CASK: variants seen among roughly 807,000 people sequenced by gnomAD.
The protein encoded by CASK is calcium/calmodulin dependent serine protein kinase.
Under a neutral mutation model 82.9 loss-of-function variants are expected in CASK, and 4 were observed. The ratio of observed to expected loss-of-function variants is 0.05; its 90% confidence interval spans 0.02 to 0.11. The LOEUF (loss-of-function observed/expected upper bound fraction) is 0.11, where lower values mean the gene tolerates loss of function less well. CASK is among the 10% of genes least tolerant of loss of function. The pLI is 1.00. For synonymous variants in CASK, 259 were observed against 253.5 expected (o/e 1.02, Z -0.20); for missense variants, 358 against 720.9 (o/e 0.50, Z 5.76).
chrX:41,660,350 T>C, intron 8 of CASK, 89 bp downstream of exon 8: 1 of 789,179 alleles, frequency 1.3e-6, no homozygotes, highest in Admixed American at 2.6e-5. Context: ...AAAGAAAAGG[T>C]AAAAAGGACC....
intron 3 of CASK, among the ~76,000 whole-genome samples, chrX:41,753,712 T>G (rs1417813709): frequency 9.1e-6 from 1 of 110,099 alleles, no homozygotes; most frequent in African/African-American, 3.3e-5. Flanking sequence ...ACAGTGAGAC[T>G]CCTTCTCTAC....
rs771998614 is a variant in CASK, at chrX:41,695,820, G to A, written c.430-24290C>T. 3.3e-6 allele frequency: 4 copies of A among 1,203,514 alleles called. No homozygotes were observed. The South Asian group carries it at 5.3e-5, about 16-fold the overall frequency. ...TACTGTGTTAACCACATCCTACTCT[G>A]TTATTTTCATCGTGGGACTGGTTGG... On this transcript the variant is annotated intron_variant, in intron 5 of 26. Coordinates refer to ENST00000378163, the MANE Select transcript of CASK (RefSeq NM_001367721.1).
At position 41,519,750 on chromosome X, in the gene CASK, G is replaced by C. The variant is rs1238295453; in HGVS notation, c.*670C>G. On this transcript the variant is annotated 3_prime_UTR_variant, in exon 27 of 27. Coordinates refer to ENST00000378163, the MANE Select transcript of CASK (RefSeq NM_001367721.1). Reference sequence around the variant, plus strand: ...AGACACACCGACAGCATAAACGCTCGCGACTGTCCACATGCATTAAGAGTC... The same window carrying C: ...AGACACACCGACAGCATAAACGCTCCCGACTGTCCACATGCATTAAGAGTC... 9.2e-6 allele frequency: 1 copy of C among 109,275 alleles called. No homozygotes were observed. The highest frequency in any genetic ancestry group is 1.9e-5 in the Non-Finnish European group (1 of 52,660). The allele number at this position is 109,275 out of a possible 1,213,427, so 9.0% of individuals were successfully genotyped here. A position where few individuals can be genotyped will look rare whatever the true frequency, so the allele number is the denominator to read the frequency against.
At chrX:41,529,455 C>T (rs775576719) in intron 25 of CASK, 41 of 156,302 alleles carry the variant, frequency 2.6e-4, no homozygotes, top group African/African-American at 1.1e-3. Flanking sequence ...AGAAAGCCCT[C>T]GAAAGTGGAC....
At chrX:41,792,537 G>T (rs948396524) in intron 2 of CASK, among the ~76,000 whole-genome samples, 5 of 110,442 alleles carry the variant, frequency 4.5e-5, no homozygotes, top group Non-Finnish European at 7.6e-5. Context: ...CAATCTTCCT[G>T]CCTTGGACTT....
chrX:41,765,072 C>G (rs772774518), intron 3 of CASK, among the ~76,000 whole-genome samples: 3 of 112,126 alleles, frequency 2.7e-5, no homozygotes, highest in African/African-American at 6.5e-5. Context: ...CTAAAGTAAA[C>G]AAATGGCAGA....
intron 15 of CASK, among the ~76,000 whole-genome samples, chrX:41,577,454 T>C (rs1210781078): frequency 9.0e-6 from 1 of 111,321 alleles, no homozygotes; most frequent in African/African-American, 3.3e-5. Context: ...AAAACAAAAA[T>C]CTAATATTAT....
At chrX:41,905,620 CG>C in intron 1 of CASK, among the ~76,000 whole-genome samples, 1 of 113,091 alleles carries the variant, frequency 8.8e-6, no homozygotes, top group East Asian at 2.8e-4. Context: ...ATAAAGCAGA[CG>C]GCAGGATTTG....
At chrX:41,631,718 G>A (rs1248573330) in intron 9 of CASK, among the ~76,000 whole-genome samples, 6 of 110,524 alleles carry the variant, frequency 5.4e-5, no homozygotes, top group South Asian at 7.9e-4. Context: ...TGATCCGCCC[G>A]CCTCAGCCTC....
intron 12 of CASK, among the ~76,000 whole-genome samples, chrX:41,594,059 T>C (rs1049255181): frequency 6.3e-5 from 7 of 111,798 alleles, no homozygotes; most frequent in African/African-American, 2.3e-4. Flanking sequence ...ATAAAGAATA[T>C]ATAAAATGTT....
At chrX:41,640,576 C>T (rs1384048561) in intron 8 of CASK, among the ~76,000 whole-genome samples, 1 of 111,522 alleles carries the variant, frequency 9.0e-6, no homozygotes, top group Non-Finnish European at 1.9e-5. Context: ...AACATGTTTA[C>T]AGGTATCTCA....
chrX:41,850,912 T>TTG (rs1352122955), intron 2 of CASK, among the ~76,000 whole-genome samples: 4 of 111,735 alleles, frequency 3.6e-5, no homozygotes, highest in African/African-American at 9.8e-5. Context: ...TCAAGAAAGC[T>TTG]TGTGTGAACA....
intron 1 of CASK, among the ~76,000 whole-genome samples, chrX:41,860,620 A>C (rs915223037): frequency 6.3e-5 from 7 of 111,988 alleles, no homozygotes; most frequent in Non-Finnish European, 1.9e-5. Flanking sequence ...TTATCGCGGT[A>C]ATCAATGTGA....
In CASK at chrX:41,787,137, G is replaced by A. The variant is rs754942186; in HGVS notation, c.278+41C>T. The A allele has an allele frequency of 5.1e-6, 4 of 782,571 alleles. No individual in the cohort carries two copies. In the South Asian group the frequency reaches 8.2e-5, roughly 16 times the overall value. 64.5% of individuals were successfully genotyped at this position (782,571 alleles called of 1,213,427 possible). On this transcript the variant is annotated intron_variant, in intron 3 of 26. Coordinates refer to ENST00000378163, the MANE Select transcript of CASK (RefSeq NM_001367721.1). The stretch of plus-strand genomic sequence containing the variant: ...GTTAGCATTATCCAACACCAACATT[G>A]CTTCAAGTTTTACCCTTTAAGAATT...
chrX:41,574,103 G>C (rs774189144), intron 15 of CASK, among the ~76,000 whole-genome samples: 2 of 110,894 alleles, frequency 1.8e-5, no homozygotes, highest in African/African-American at 3.3e-5. Flanking sequence ...TGCACTGATC[G>C]ATACTCTGCT....
At chrX:41,617,729 G>A (rs1310809661) in intron 11 of CASK, among the ~76,000 whole-genome samples, 2 of 111,729 alleles carry the variant, frequency 1.8e-5, no homozygotes, top group Non-Finnish European at 3.8e-5. Flanking sequence ...GACACTTCTC[G>A]GGCTTCTCCA....
chrX:41,845,133 T>C (rs1601896483), intron 2 of CASK, among the ~76,000 whole-genome samples: 1 of 112,251 alleles, frequency 8.9e-6, no homozygotes, highest in Non-Finnish European at 1.9e-5. Context: ...TATGTGTACT[T>C]GAAAAGAATG....
chrX:41,773,374 CA>C (rs552195137), intron 3 of CASK, among the ~76,000 whole-genome samples: 13,702 of 47,967 alleles, frequency 0.29, 932 homozygotes, highest in Middle Eastern at 0.45. Context: ...GACCCTGTCT[CA>C]AAAAAAAAAA....
In CASK at chrX:41,923,138, C is replaced by T; in HGVS notation, c.-150G>A. The T allele has an allele frequency of 2.6e-6, 1 of 383,450 alleles. No homozygotes were observed. Among genetic ancestry groups the T allele is most frequent in the Admixed American group, 4.7e-5 (1 of 21,499 alleles). 31.6% of individuals were successfully genotyped at this position (383,450 alleles called of 1,213,427 possible). A position where few individuals can be genotyped will look rare whatever the true frequency, so the allele number is the denominator to read the frequency against. On this transcript the variant is annotated 5_prime_UTR_variant, in exon 1 of 27. Coordinates refer to ENST00000378163, the MANE Select transcript of CASK (RefSeq NM_001367721.1). ...AGGACGCTCGAGTGGGGCCGCGAGGCCCAGAGACTGCGGCGCCTTCCTCTG... is the reference window on the plus strand; with the variant it reads ...AGGACGCTCGAGTGGGGCCGCGAGGTCCAGAGACTGCGGCGCCTTCCTCTG...
Sources: gnomAD v4.1 joint callset for allele counts (sites outside exome capture counted in the v4.1 genomes callset) on GRCh38, gnomAD v4.1.1 for gene constraint, MANE v1.5 for transcripts, NCBI Gene and HGNC (gene_info 2026-07-23, HGNC 2026-07-21) for gene names.